Variants in CXADR observed in about 807,000 individuals in gnomAD.
CXADR encodes the protein coxsackievirus and adenovirus receptor.
CXADR carries 20 observed loss-of-function variants against 40.3 expected under a neutral mutation model. The observed-to-expected ratio is 0.50, with a 90% CI of 0.35 to 0.72. The LOEUF (loss-of-function observed/expected upper bound fraction) is 0.72. Among genes scored for constraint, CXADR ranks in the 30% least tolerant of loss-of-function variants. The pLI is 0.01. For synonymous variants in CXADR, 150 were observed against 161.3 expected (o/e 0.93, Z 0.53); for missense variants, 332 against 449.1 (o/e 0.74, Z 2.36).
At chr21:17,596,320 T>G (rs529927628), downstream of CXADR, among the ~76,000 whole-genome samples, 1 of 152,154 alleles carries the variant, frequency 6.6e-6, no homozygotes, top group Non-Finnish European at 1.5e-5. Flanking sequence ...TTTTTTCCCT[T>G]ATTAGTTACT....
intron 7 of CXADR, among the ~76,000 whole-genome samples, chr21:17,591,203 T>C (rs1389568486): frequency 6.6e-6 from 1 of 152,058 alleles, no homozygotes; most frequent in African/African-American, 2.4e-5. Flanking sequence ...CAGAGCTTCA[T>C]TATTTAGTTT....
At chr21:17,592,399 ATT>A (rs11350596) in intron 7 of CXADR, among the ~76,000 whole-genome samples, 1 of 151,552 alleles carries the variant, frequency 6.6e-6, no homozygotes, top group Non-Finnish European at 1.5e-5. Flanking sequence ...TAAAATTTGT[ATT>A]TTTTTAATTT....
intron 7 of CXADR, among the ~76,000 whole-genome samples, chr21:17,585,809 C>T (rs899887271): frequency 1.3e-5 from 2 of 152,212 alleles, no homozygotes; most frequent in South Asian, 2.1e-4. Context: ...TGAGCCACCG[C>T]GCCCGGTTTT....
chr21:17,601,036 G>A, the CXADR span, among the ~76,000 whole-genome samples: 44 of 152,040 alleles, frequency 2.9e-4, no homozygotes, highest in Non-Finnish European at 4.9e-4. Context: ...GGTGGTGTGC[G>A]CCTGTAATCC....
At chr21:17,629,827 GC>G in the CXADR span, among the ~76,000 whole-genome samples, 1 of 113,908 alleles carries the variant, frequency 8.8e-6, no homozygotes, top group Non-Finnish European at 1.7e-5. Context: ...AAACAAATAA[GC>G]AAATAAATAA....
At chr21:17,524,903 T>C (rs1179318138) in intron 1 of CXADR, among the ~76,000 whole-genome samples, 1 of 152,116 alleles carries the variant, frequency 6.6e-6, no homozygotes, top group Non-Finnish European at 1.5e-5. Context: ...AGTGAAACCC[T>C]GTGTCCAAAA....
At chr21:17,520,936 G>A (rs1252697475) in intron 1 of CXADR, among the ~76,000 whole-genome samples, 1 of 152,140 alleles carries the variant, frequency 6.6e-6, no homozygotes, top group Non-Finnish European at 1.5e-5. Flanking sequence ...GTGCCTGAGA[G>A]GCAAGGAGGT....
chr21:17,632,994 C>T, the CXADR span, among the ~76,000 whole-genome samples: 1 of 152,182 alleles, frequency 6.6e-6, no homozygotes, highest in Non-Finnish European at 1.5e-5. Flanking sequence ...TAAACCTGTG[C>T]TAAGACAATT....
Position 17,567,005 on chromosome 21 carries a change from C to G in CXADR, c.*1313C>G, listed in dbSNP as rs570403232. 3 of 980,402 alleles carry G rather than the reference C, an allele frequency of 3.1e-6. No homozygotes were observed. In the African/African-American group the frequency reaches 5.2e-5, roughly 17 times the overall value. 60.7% of individuals were successfully genotyped at this position (980,402 alleles called of 1,614,324 possible). A position where few individuals can be genotyped will look rare whatever the true frequency, so the allele number is the denominator to read the frequency against. ...AAGAAGGAGGAGTAAAGGGACTACT[C>G]CTCCTTGCCAAATGTGCTAAATATC... is the stretch of plus-strand genomic sequence containing the variant. On this transcript the variant is annotated 3_prime_UTR_variant, in exon 7 of 7. Transcript: ENST00000284878.
At chr21:17,617,699 T>C in the CXADR span, among the ~76,000 whole-genome samples, 4 of 152,256 alleles carry the variant, frequency 2.6e-5, no homozygotes, top group African/African-American at 9.6e-5. Flanking sequence ...AATGATCATC[T>C]GAGCCTTCAG....
chr21:17,580,201 G>T (rs1395992459), intron 7 of CXADR, among the ~76,000 whole-genome samples: 1 of 152,208 alleles, frequency 6.6e-6, no homozygotes, highest in African/African-American at 2.4e-5. Flanking sequence ...TTATTAAACA[G>T]CCTCTGCAGT....
At chr21:17,592,401 TTTTTTAA>T (rs1244778833) in intron 7 of CXADR, among the ~76,000 whole-genome samples, 3 of 41,902 alleles carry the variant, frequency 7.2e-5, no homozygotes, top group East Asian at 1.8e-3. Context: ...AAATTTGTAT[TTTTTTAA>T]TTTTTGAGTA....
intron 7 of CXADR, among the ~76,000 whole-genome samples, chr21:17,579,784 A>C (rs1258420696): frequency 1.3e-5 from 2 of 152,172 alleles, no homozygotes; most frequent in Non-Finnish European, 2.9e-5. Flanking sequence ...AACTTGTTAC[A>C]CTGGCCATTT....
At chr21:17,587,926 G>A (rs1001420755) in intron 7 of CXADR, among the ~76,000 whole-genome samples, 2 of 152,032 alleles carry the variant, frequency 1.3e-5, no homozygotes, top group African/African-American at 2.4e-5. Flanking sequence ...TGTAAGGAAG[G>A]GATCCAGTTT....
chr21:17,584,838 CAA>C (rs2123389827), intron 7 of CXADR, among the ~76,000 whole-genome samples: 1 of 152,218 alleles, frequency 6.6e-6, no homozygotes, highest in Admixed American at 6.6e-5. Context: ...AACAAACAAA[CAA>C]ACAAAAACTC....
At chr21:17,583,821 C>A (rs1437491068) in intron 7 of CXADR, among the ~76,000 whole-genome samples, 1 of 152,168 alleles carries the variant, frequency 6.6e-6, no homozygotes, top group Non-Finnish European at 1.5e-5. Context: ...TCTTTGAGGA[C>A]AGTTTACCAG....
the CXADR span, chr21:17,613,688 A>G: frequency 3.9e-5 from 6 of 152,270 alleles, no homozygotes; most frequent in Non-Finnish European, 8.8e-5. Context: ...GCAAAGCTTC[A>G]TCTTTGAGCA....
chr21:17,514,529 C>G (rs1303174246), intron 1 of CXADR, among the ~76,000 whole-genome samples: 1 of 147,940 alleles, frequency 6.8e-6, no homozygotes, highest in African/African-American at 2.5e-5. Flanking sequence ...TAGGCCGAAC[C>G]TGAAGATGAA....
chr21:17,594,462 A>G, downstream of CXADR: 2 of 1,087,420 alleles, frequency 1.8e-6, no homozygotes, highest in Non-Finnish European at 2.6e-6. Context: ...TCCTATTGTC[A>G]GGTCTAAATA....
Sources: allele counts gnomAD v4.1 joint callset (sites outside exome capture counted in the v4.1 genomes callset), GRCh38; gene constraint gnomAD v4.1.1; transcripts MANE v1.5; gene names NCBI Gene and HGNC (gene_info 2026-07-23, HGNC 2026-07-21).